FRY: variants seen among roughly 807,000 people sequenced by gnomAD.
FRY encodes FRY microtubule binding protein.
In FRY, 128 loss-of-function variants were observed where a neutral mutation model predicts 348.4. That is an observed-to-expected ratio of 0.37 (90% CI 0.32 to 0.43). The LOEUF is 0.43. Ranked by LOEUF, FRY falls within the 20% of genes least tolerant of loss-of-function variation. The pLI is 1.00. For missense variants in FRY, 2,736 were observed against 3,695.2 expected (o/e 0.74, Z 6.73); for synonymous variants, 1,370 against 1,374.7 (o/e 1.00, Z 0.08).
intron 50 of FRY, among the ~76,000 whole-genome samples, chr13:32,253,921 G>A (rs1232203137): frequency 2.0e-5 from 3 of 149,774 alleles, no homozygotes; most frequent in Admixed American, 1.3e-4. Flanking sequence ...TTTCCTGGCT[G>A]CTCCAGTTTA....
chr13:32,131,389 A>G (rs1052906791), intron 7 of FRY, among the ~76,000 whole-genome samples: 3 of 152,196 alleles, frequency 2.0e-5, no homozygotes, highest in Non-Finnish European at 2.9e-5. Flanking sequence ...GTGATGCTCA[A>G]TTTAAGAGCT....
intron 3 of FRY, among the ~76,000 whole-genome samples, 157 bp downstream of exon 3, chr13:32,102,173 G>A (rs1444020138): frequency 6.6e-6 from 1 of 152,148 alleles, no homozygotes; most frequent in East Asian, 1.9e-4. Context: ...CATGGTTGTG[G>A]TTTATAGCTG....
intron 13 of FRY, among the ~76,000 whole-genome samples, chr13:32,149,212 T>C (rs1880647307): frequency 6.7e-6 from 1 of 149,052 alleles, no homozygotes; most frequent in Non-Finnish European, 1.5e-5. Context: ...ATTATACCTG[T>C]TATACTATAT....
rs778878653 is a variant in FRY, at chr13:32,294,432, T to C, written c.8645T>C (p.Ile2882Thr). 3 of 1,614,124 alleles carry C rather than the reference T, an allele frequency of 1.9e-6. No individual in the cohort carries two copies. The highest frequency in any genetic ancestry group is 2.5e-6 in the Non-Finnish European group (3 of 1,179,948). ...CACCTGAAGGAAGCCAGTGCAGTCA[T>C]TGCAGCTGACCCTCTCTATTCAGAC... The part of the protein sequence containing the change: ...KKHLKEASAV[I>T]AADPLYSDGA... Residue 2882 changes from isoleucine (I) to threonine (T), a missense_variant, in exon 60 of 61, where the codon ATT becomes ACT. This residue lies in a region of FRY where 157 missense variants were observed against 215.2 expected (regional missense o/e 0.73). Coordinates refer to ENST00000542859, the MANE Select transcript of FRY (RefSeq NM_023037.3).
At chr13:32,209,944 T>C (rs1184446294) in intron 33 of FRY, among the ~76,000 whole-genome samples, 1 of 152,222 alleles carries the variant, frequency 6.6e-6, no homozygotes, top group Non-Finnish European at 1.5e-5. Flanking sequence ...GTCATCTCCT[T>C]ACTCTGAGCC....
At chr13:32,162,690 T>C (rs1881519688) in intron 17 of FRY, among the ~76,000 whole-genome samples, 1 of 152,192 alleles carries the variant, frequency 6.6e-6, no homozygotes, top group Admixed American at 6.5e-5. Context: ...CAAGCCGTTG[T>C]GCTCTCTAAC....
chr13:32,105,127 T>G (rs1877453307), intron 3 of FRY, among the ~76,000 whole-genome samples: 1 of 152,226 alleles, frequency 6.6e-6, no homozygotes, highest in African/African-American at 2.4e-5. Context: ...GGTTCAAATG[T>G]GTACCCTCCA....
intron 19 of FRY, among the ~76,000 whole-genome samples, chr13:32,174,645 C>T (rs540290516): frequency 1.3e-5 from 2 of 152,270 alleles, no homozygotes; most frequent in Non-Finnish European, 1.5e-5. Context: ...ATACACATGC[C>T]TCTAACGCCC....
chr13:32,281,763 A>G (rs565764758), intron 58 of FRY, among the ~76,000 whole-genome samples: 1 of 152,240 alleles, frequency 6.6e-6, no homozygotes, highest in Non-Finnish European at 1.5e-5. Flanking sequence ...TATGCCACCT[A>G]ACAAAAGAAG....
intron 1 of FRY, among the ~76,000 whole-genome samples, chr13:32,058,718 G>A (rs1873773125): frequency 6.6e-6 from 1 of 152,266 alleles, no homozygotes; most frequent in Middle Eastern, 3.4e-3. Context: ...TGAGGTGGAG[G>A]GCACCAAAGG....
At chr13:32,137,045 C>A (rs1879766523) in intron 11 of FRY, 73 bp downstream of exon 11, 3 of 822,754 alleles carry the variant, frequency 3.6e-6, no homozygotes, top group Admixed American at 3.4e-5. Context: ...TGATGTGCTT[C>A]TGGAAGTGAC....
intron 2 of FRY, among the ~76,000 whole-genome samples, chr13:32,086,490 G>A (rs1191386343): frequency 6.6e-6 from 1 of 152,118 alleles, no homozygotes; most frequent in Admixed American, 6.5e-5. Context: ...AAATCCCTGG[G>A]TTTAAACTCA....
At chr13:32,041,542 A>C (rs1872745867) in intron 1 of FRY, among the ~76,000 whole-genome samples, 1 of 152,082 alleles carries the variant, frequency 6.6e-6, no homozygotes, top group Non-Finnish European at 1.5e-5. Context: ...GATTACAGGC[A>C]TGAGCCACTG....
chr13:32,117,597 C>A (rs1878382269), intron 4 of FRY, 124 bp downstream of exon 4: 12 of 937,190 alleles, frequency 1.3e-5, no homozygotes, highest in Non-Finnish European at 1.9e-5. Context: ...CTAGCAGGTG[C>A]TGCAGGGGCC....
Position 32,057,783 on chromosome 13 carries a change from C to A in FRY, c.71-21051C>A, listed in dbSNP as rs1267580754. On this transcript the variant is annotated intron_variant, in intron 1 of 60. Coordinates refer to ENST00000542859, the MANE Select transcript of FRY (RefSeq NM_023037.3). ...GACCATCCTGACTAACACGGTGAAA[C>A]CCTGTCTCTACTAAAAAATACAAAA... Among the ~76,000 whole-genome samples, 3 of 152,098 alleles carry A rather than the reference C, an allele frequency of 2.0e-5. No homozygotes were observed. The East Asian group carries it at 5.8e-4, about 29-fold the overall frequency.
At chr13:32,154,851 C>G (rs1881014113) in intron 14 of FRY, among the ~76,000 whole-genome samples, 4 of 152,176 alleles carry the variant, frequency 2.6e-5, no homozygotes, top group Admixed American at 2.6e-4. Flanking sequence ...TGCTGTCTTA[C>G]TAAGCCATCT....
At position 32,078,818 on chromosome 13, in the gene FRY, C is replaced by G. The variant is rs989405598; in HGVS notation, c.71-16C>G. 4 of 1,596,934 alleles carry G rather than the reference C, an allele frequency of 2.5e-6. No individual in the cohort carries two copies. Among genetic ancestry groups the G allele is most frequent in the Non-Finnish European group, 3.4e-6 (4 of 1,164,762 alleles). ...CATTATTATCAGCCAGTAAGAATGC[C>G]CATTCTGTTTTTCAGCTTCTCCCGT... On this transcript the variant is annotated splice_polypyrimidine_tract_variant and intron_variant, in intron 1 of 60. Transcript: ENST00000542859.
chr13:32,121,760 C>T (rs1593636645), intron 4 of FRY, among the ~76,000 whole-genome samples: 2 of 152,154 alleles, frequency 1.3e-5, no homozygotes, highest in East Asian at 3.9e-4. Flanking sequence ...TTCCTTTTGC[C>T]GTGCAAAAGC....
intron 49 of FRY, 102 bp downstream of exon 49, chr13:32,249,789 C>T (rs1593800504): frequency 9.7e-7 from 1 of 1,031,434 alleles, no homozygotes; most frequent in South Asian, 1.4e-5. Flanking sequence ...CCAAGGTTGC[C>T]CATATAGGTC....
Sources: allele counts gnomAD v4.1 joint callset (sites outside exome capture counted in the v4.1 genomes callset), GRCh38; gene constraint gnomAD v4.1.1; regional missense constraint gnomAD v4.1.1; transcripts MANE v1.5; gene names NCBI Gene and HGNC (gene_info 2026-07-23, HGNC 2026-07-21).